The following ZCCHC7 variants were observed in gnomAD, a reference collection of about 807,000 sequenced individuals.
ZCCHC7 encodes zinc finger CCHC-type containing 7.
ZCCHC7 carries 35 observed loss-of-function variants against 52.0 expected under a neutral mutation model. That is an observed-to-expected ratio of 0.67 (90% confidence interval 0.51 to 0.89). The LOEUF is 0.89. Among genes scored for constraint, ZCCHC7 ranks in the 40% least tolerant of loss-of-function variants. ZCCHC7 has a pLI of 0.00. For missense variants in ZCCHC7, 574 were observed against 649.1 expected, an observed-to-expected ratio of 0.88 and a Z score of 1.26; for synonymous variants, 217 against 221.5, an observed-to-expected ratio of 0.98 and a Z score of 0.18.
intron 2 of ZCCHC7, among the ~76,000 whole-genome samples, chr9:37,129,427 G>C (rs1358087908): frequency 1.3e-5 from 2 of 152,040 alleles, no homozygotes; most frequent in Non-Finnish European, 2.9e-5. Context: ...TTATTTCCTT[G>C]ATCCACTAAT....
chr9:37,130,667 T>C (rs1193438907), intron 2 of ZCCHC7, among the ~76,000 whole-genome samples: 1 of 151,608 alleles, frequency 6.6e-6, no homozygotes, highest in African/African-American at 2.4e-5. Flanking sequence ...TAATTTTTTG[T>C]ATTTTTTTTT....
intron 2 of ZCCHC7, among the ~76,000 whole-genome samples, chr9:37,184,676 C>G (rs561670234): frequency 1.6e-4 from 24 of 148,432 alleles, no homozygotes; most frequent in Non-Finnish European, 3.3e-4. Flanking sequence ...GTTTTAACCT[C>G]TGTCTGGTGA....
intron 2 of ZCCHC7, among the ~76,000 whole-genome samples, chr9:37,273,280 G>A (rs887070851): frequency 6.6e-6 from 1 of 152,174 alleles, no homozygotes; most frequent in South Asian, 2.1e-4. Flanking sequence ...GAGGTGGGCA[G>A]ATCACAAGGT....
intron 7 of ZCCHC7, among the ~76,000 whole-genome samples, chr9:37,350,495 T>C (rs1821314336): frequency 6.6e-6 from 1 of 152,198 alleles, no homozygotes; most frequent in African/African-American, 2.4e-5. Flanking sequence ...TAAGTCTACA[T>C]CACATACATG....
intron 2 of ZCCHC7, among the ~76,000 whole-genome samples, chr9:37,209,134 A>C (rs916763074): frequency 6.6e-6 from 1 of 151,800 alleles, no homozygotes; most frequent in Non-Finnish European, 1.5e-5. Flanking sequence ...TCCACCTCCC[A>C]GGTTCACGCC....
At chr9:37,247,934 A>AATG (rs530515442) in intron 2 of ZCCHC7, among the ~76,000 whole-genome samples, 65 of 152,012 alleles carry the variant, frequency 4.3e-4, no homozygotes, top group Middle Eastern at 3.4e-3. Flanking sequence ...TAATAATAAT[A>AATG]ATAATAAAGC....
chr9:37,345,437 C>T (rs983845558), intron 6 of ZCCHC7, among the ~76,000 whole-genome samples: 4 of 152,184 alleles, frequency 2.6e-5, no homozygotes, highest in Non-Finnish European at 5.9e-5. Context: ...CCTGTTAAAA[C>T]TCTGTTTAGG....
chr9:37,343,089 A>G (rs1030626458), intron 6 of ZCCHC7, among the ~76,000 whole-genome samples: 1 of 152,242 alleles, frequency 6.6e-6, no homozygotes, highest in African/African-American at 2.4e-5. Context: ...TGTCTCTGTG[A>G]ACACGAGAAT....
chr9:37,307,336 A>C (rs1564243740), intron 5 of ZCCHC7, among the ~76,000 whole-genome samples: 1 of 152,148 alleles, frequency 6.6e-6, no homozygotes, highest in Non-Finnish European at 1.5e-5. Flanking sequence ...TGAGTGTCTC[A>C]TTAAGAGTCT....
chr9:37,209,986 CT>C (rs1174229360), intron 2 of ZCCHC7, among the ~76,000 whole-genome samples: 1 of 151,860 alleles, frequency 6.6e-6, no homozygotes, highest in African/African-American at 2.4e-5. Context: ...AGGTTTCTTT[CT>C]TTTTCTGTTT....
At chr9:37,290,219 A>T (rs1293927502) in intron 2 of ZCCHC7, among the ~76,000 whole-genome samples, 1 of 152,244 alleles carries the variant, frequency 6.6e-6, no homozygotes, top group African/African-American at 2.4e-5. Context: ...ATAGTAACTG[A>T]GTTAATATTT....
intron 1 of ZCCHC7, among the ~76,000 whole-genome samples, chr9:37,122,906 T>A (rs768529357): frequency 1.3e-5 from 2 of 152,170 alleles, no homozygotes; most frequent in Admixed American, 6.5e-5. Context: ...CACTGCACTC[T>A]CACCTGGGGG....
At chr9:37,308,665 A>G (rs1829449367) in intron 5 of ZCCHC7, among the ~76,000 whole-genome samples, 1 of 152,100 alleles carries the variant, frequency 6.6e-6, no homozygotes, top group Non-Finnish European at 1.5e-5. Flanking sequence ...GCTGCTCAGG[A>G]GGCTAATGCA....
At chr9:37,141,408 T>C (rs1843223032) in intron 2 of ZCCHC7, among the ~76,000 whole-genome samples, 1 of 151,894 alleles carries the variant, frequency 6.6e-6, no homozygotes, top group Non-Finnish European at 1.5e-5. Context: ...CTTAGATCCA[T>C]GGGGACTAGC....
chr9:37,274,120 A>G (rs1349033731), intron 2 of ZCCHC7, among the ~76,000 whole-genome samples: 2 of 152,188 alleles, frequency 1.3e-5, no homozygotes, highest in African/African-American at 4.8e-5. Flanking sequence ...ATACCTGTGT[A>G]GCCTTTATCC....
chr9:37,234,827 A>G (rs977524179), intron 2 of ZCCHC7, among the ~76,000 whole-genome samples: 1 of 152,194 alleles, frequency 6.6e-6, no homozygotes, highest in Non-Finnish European at 1.5e-5. Context: ...TAACTTTATG[A>G]AAATATTTTA....
At chr9:37,146,857 C>T (rs77703681) in intron 2 of ZCCHC7, among the ~76,000 whole-genome samples, 7,702 of 151,852 alleles carry the variant, frequency 0.051, 636 homozygotes, top group African/African-American at 0.17. Flanking sequence ...GTCAGATGCT[C>T]ATATAATTTA....
At chr9:37,189,665 G>A (rs1237614138) in intron 2 of ZCCHC7, among the ~76,000 whole-genome samples, 1 of 152,180 alleles carries the variant, frequency 6.6e-6, no homozygotes, top group African/African-American at 2.4e-5. Flanking sequence ...TGGGATTACA[G>A]GCATGAGCCA....
At chr9:37,298,197 T>A (rs2133675796) in intron 2 of ZCCHC7, among the ~76,000 whole-genome samples, 1 of 152,340 alleles carries the variant, frequency 6.6e-6, no homozygotes, top group Non-Finnish European at 1.5e-5. Context: ...TACTATGCAG[T>A]AATTGTCTGT....
Sources: allele counts gnomAD v4.1 joint callset (sites outside exome capture counted in the v4.1 genomes callset), GRCh38; gene constraint gnomAD v4.1.1; transcripts MANE v1.5; gene names NCBI Gene and HGNC (gene_info 2026-07-23, HGNC 2026-07-21).